Variants in MET observed in about 807,000 individuals in gnomAD.
The protein encoded by MET is hepatocyte growth factor receptor.
In MET, 48 loss-of-function variants were observed where a neutral mutation model predicts 133.1. That is an observed-to-expected ratio of 0.36 (90% CI 0.29 to 0.46). The LOEUF (loss-of-function observed/expected upper bound fraction) is 0.46. Among genes scored for constraint, MET ranks in the 20% least tolerant of loss-of-function variants. The pLI, the probability that MET is intolerant of heterozygous loss-of-function variation, is 1.00. For missense variants in MET, 1,442 were observed against 1,695.9 expected, an observed-to-expected ratio of 0.85 and a Z score of 2.63; for synonymous variants, 628 against 616.5, an observed-to-expected ratio of 1.02 and a Z score of -0.28.
intron 2 of MET, among the ~76,000 whole-genome samples, chr7:116,713,056 C>T (rs1452850048): frequency 2.0e-5 from 3 of 152,152 alleles, no homozygotes; most frequent in Admixed American, 2.0e-4. Context: ...CAGATTTTCA[C>T]TATTGGTCAC....
chr7:116,679,758 A>T (rs1337357109), intron 1 of MET, among the ~76,000 whole-genome samples: 3 of 152,128 alleles, frequency 2.0e-5, no homozygotes, highest in Non-Finnish European at 2.9e-5. Flanking sequence ...TCGGGGGAAA[A>T]CACCTTCTTG....
chr7:116,752,069 A>AAAAG (rs1054187045), intron 5 of MET, among the ~76,000 whole-genome samples: 1 of 152,124 alleles, frequency 6.6e-6, no homozygotes, highest in Non-Finnish European at 1.5e-5. Context: ...TCAATAAAAA[A>AAAAG]AAAGAAAGAA....
intron 1 of MET, among the ~76,000 whole-genome samples, chr7:116,679,880 C>T (rs1401931585): frequency 1.3e-5 from 2 of 152,154 alleles, no homozygotes; most frequent in African/African-American, 2.4e-5. Flanking sequence ...AGAATGGCTG[C>T]TTTGGAGACA....
chr7:116,716,276 GGA>G (rs1390034180), intron 2 of MET, among the ~76,000 whole-genome samples: 11 of 82,772 alleles, frequency 1.3e-4, no homozygotes, highest in Non-Finnish European at 2.4e-4. Context: ...AGGGAAGGAG[GGA>G]GAGAGGGAGA....
At chr7:116,731,959 C>G (rs1472301553) in intron 3 of MET, 100 bp downstream of exon 3, 7 of 1,172,644 alleles carry the variant, frequency 6.0e-6, no homozygotes, top group African/African-American at 4.6e-5. Flanking sequence ...ACTGTAAAGT[C>G]CAAATCATAG....
intron 5 of MET, among the ~76,000 whole-genome samples, chr7:116,749,379 G>A (rs1341405465): frequency 6.6e-6 from 1 of 152,190 alleles, no homozygotes; most frequent in Non-Finnish European, 1.5e-5. Context: ...TGCAATAGAT[G>A]CAGAAAAGGC....
intron 2 of MET, among the ~76,000 whole-genome samples, chr7:116,717,602 C>A (rs188731635): frequency 1.3e-5 from 2 of 152,214 alleles, no homozygotes; most frequent in South Asian, 4.2e-4. Context: ...TATTCAAATG[C>A]TTCTGGTAAT....
At chr7:116,749,188 A>G (rs1168455925) in intron 5 of MET, among the ~76,000 whole-genome samples, 1 of 152,232 alleles carries the variant, frequency 6.6e-6, no homozygotes, top group Non-Finnish European at 1.5e-5. Flanking sequence ...TCCCTGATGA[A>G]CATCGATGTG....
intron 2 of MET, among the ~76,000 whole-genome samples, chr7:116,726,186 A>AC: frequency 9.1e-6 from 1 of 109,382 alleles, no homozygotes; most frequent in African/African-American, 4.2e-5. Flanking sequence ...TATGGGATAT[A>AC]AAACAAATAC....
intron 15 of MET, among the ~76,000 whole-genome samples, chr7:116,775,575 G>A (rs931261306): frequency 6.6e-5 from 10 of 152,104 alleles, no homozygotes; most frequent in African/African-American, 1.7e-4. Flanking sequence ...GCGTGGTGGC[G>A]GGTGCCTTTA....
At chr7:116,751,888 T>A (rs1273733576) in intron 5 of MET, among the ~76,000 whole-genome samples, 3 of 152,064 alleles carry the variant, frequency 2.0e-5, no homozygotes, top group African/African-American at 7.2e-5. Context: ...GGTGAAACCC[T>A]GTCTCCACTA....
Position 116,755,491 on chromosome 7 carries a change from CT to C in MET, c.1841del (p.Leu614Ter). The C allele has an allele frequency of 6.2e-7, 1 of 1,614,088 alleles. No homozygotes were observed. Among genetic ancestry groups the C allele is most frequent in the South Asian group, 1.1e-5 (1 of 91,084 alleles). On this transcript the variant is annotated frameshift_variant, in exon 6 of 21. Coordinates refer to ENST00000397752, the MANE Select transcript of MET (RefSeq NM_000245.4). LOFTEE classifies it high-confidence loss of function. Reference protein sequence around the residue: ...VLLGNESCTLTLSESTMNTLK... With the variant: ...VLLGNESCTLXLSESTMNTLK... ...CTTGGAAATGAGAGCTGCACCTTGA[CT>C]TTAAGTGAGAGCACGATGAATACGT...
At chr7:116,773,414 A>G (rs1794893314) in intron 14 of MET, among the ~76,000 whole-genome samples, 1 of 152,192 alleles carries the variant, frequency 6.6e-6, no homozygotes, top group Admixed American at 6.5e-5. Flanking sequence ...TTAGCTGAAG[A>G]GTCACGTTTT....
At position 116,775,009 on chromosome 7, in the gene MET, A is replaced by T. The variant is rs1278254320; in HGVS notation, c.3157A>T (p.Ile1053Phe). The T allele has an allele frequency of 6.2e-7, 1 of 1,614,108 alleles. No individual in the cohort carries two copies. Among genetic ancestry groups the T allele is most frequent in the African/African-American group, 1.3e-5 (1 of 74,948 alleles). ...SSPLLQNTVH[I>F]DLSALNPELV... ...TCCATTACTGCAAAATACTGTCCAC[A>T]TTGACCTCAGTGCTCTAAATCCAGA... is the stretch of plus-strand genomic sequence containing the variant. Residue 1053 changes from isoleucine to phenylalanine, a missense_variant, in exon 15 of 21, where the codon ATT (isoleucine) becomes TTT (phenylalanine). Physicochemically the swap from Ile to Phe is conservative, Grantham distance 21. Around this residue, in one of 6 missense-constraint regions of MET, gnomAD observed 514 missense variants for 659.6 expected, o/e 0.78. Transcript: ENST00000397752.
Position 116,740,838 on chromosome 7 carries a change from C to T in MET, c.1528-14C>T, listed in dbSNP as rs2116833406. ...TACCCCTCTGGAAGCTCTTTCCACC[C>T]CTTCTCTTCACAGATCACGAAGATC... On this transcript the variant is annotated splice_polypyrimidine_tract_variant and intron_variant, in intron 4 of 20. Coordinates refer to ENST00000397752, the MANE Select transcript of MET (RefSeq NM_000245.4). The T allele has an allele frequency of 1.2e-6, 2 of 1,613,828 alleles. No homozygotes were observed. Among genetic ancestry groups the T allele is most frequent in the Non-Finnish European group, 1.7e-6 (2 of 1,180,004 alleles).
rs543692626 is a variant in MET, at chr7:116,704,470, T to C, written c.1200+4186T>C. ...CTTGGCACAAAATAAATAGCAGCTA[T>C]TATTGTAAGGAATACTTGCGTAAAG... On this transcript the variant is annotated intron_variant, in intron 2 of 20. Coordinates refer to ENST00000397752, the MANE Select transcript of MET (RefSeq NM_000245.4). Among the ~76,000 whole-genome samples, 6 of 152,240 alleles carry C rather than the reference T, an allele frequency of 3.9e-5. No individual in the cohort carries two copies. In the East Asian group the frequency reaches 9.6e-4, roughly 24 times the overall value.
rs190902809 is a variant in MET at position 116,705,782 on chromosome 7, G to A, written c.1200+5498G>A. Among the ~76,000 whole-genome samples, 303 of 151,764 alleles carry A rather than the reference G, an allele frequency of 2.0e-3. 1 individual carries two copies. Among genetic ancestry groups the A allele is most frequent in the African/African-American group, 7.0e-3 (292 of 41,424 alleles). On this transcript the variant is annotated intron_variant, in intron 2 of 20. Transcript: ENST00000397752. ...CTACTTCATCCTCTCATAGGCTCAG[G>A]GAGTCACTGCTTCCTAACTTCTTTA...
intron 19 of MET, among the ~76,000 whole-genome samples, chr7:116,784,191 G>A (rs543471172): frequency 2.6e-5 from 4 of 152,232 alleles, no homozygotes; most frequent in Non-Finnish European, 1.5e-5. Flanking sequence ...TTAGTTATTT[G>A]GCAAGAACAG....
chr7:116,707,519 G>C (rs1280365415), intron 2 of MET, among the ~76,000 whole-genome samples: 1 of 152,068 alleles, frequency 6.6e-6, no homozygotes, highest in East Asian at 1.9e-4. Context: ...AAAATATATA[G>C]TTATTCATGA....
Sources: allele counts gnomAD v4.1 joint callset (sites outside exome capture counted in the v4.1 genomes callset), GRCh38; gene constraint gnomAD v4.1.1; regional missense constraint gnomAD v4.1.1; transcripts MANE v1.5; gene names NCBI Gene and HGNC (gene_info 2026-07-23, HGNC 2026-07-21).